Variants in CACNA1C observed in about 807,000 individuals in gnomAD.
CACNA1C encodes the protein voltage-dependent L-type calcium channel subunit alpha-1C.
Under a neutral mutation model 229.0 loss-of-function variants are expected in CACNA1C, and 30 were observed. That is an observed-to-expected ratio of 0.13 (90% CI 0.10 to 0.18). CACNA1C has a LOEUF of 0.18. Ranked by LOEUF, CACNA1C falls within the 10% of genes least tolerant of loss-of-function variation. The probability of loss-of-function intolerance (pLI) is 1.00; values close to 1 mark genes in which losing one functional copy is unlikely to be tolerated. For synonymous variants in CACNA1C, 1,114 were observed against 1,132.5 expected, an observed-to-expected ratio of 0.98 and a Z score of 0.33; for missense variants, 1,658 against 2,845.0, an observed-to-expected ratio of 0.58 and a Z score of 9.49.
At chr12:2,424,918 T>G (rs114829711) in intron 3 of CACNA1C, among the ~76,000 whole-genome samples, 4,087 of 152,320 alleles carry the variant, frequency 0.027, 200 homozygotes, top group African/African-American at 0.093. Flanking sequence ...GGTCCTCTAT[T>G]GGCCAACAGT....
Position 2,679,802 on chromosome 12 carries a change from TGGGAGGCTGGCCACCCCA to T in CACNA1C, c.5444+9_5444+26del. ...TGGAAGCTCAGCTCCAACAGGTAAGTGGGAGGCTGGCCACCCCAGGCGGCACACAGGGCCCACGTGCTG... is the reference window on the plus strand; with the variant it reads ...TGGAAGCTCAGCTCCAACAGGTAAGTGGCGGCACACAGGGCCCACGTGCTG... On this transcript the variant is annotated splice_region_variant and intron_variant, in intron 42 of 46. Transcript: ENST00000399655. The surrounding 1 kb of genome is among the most constrained non-coding windows in gnomAD (Gnocchi z 5.5). The T allele has an allele frequency of 6.5e-7, 1 of 1,544,244 alleles. No individual in the cohort carries two copies. The highest frequency in any genetic ancestry group is 8.8e-7 in the Non-Finnish European group (1 of 1,140,386).
chr12:1,985,470 G>A (rs980194493), intron 1 of CACNA1C, among the ~76,000 whole-genome samples: 1 of 151,818 alleles, frequency 6.6e-6, no homozygotes, highest in African/African-American at 2.4e-5. Context: ...ACCTATTTTT[G>A]TGCCAAGAAT....
At chr12:2,516,178 A>G (rs978713466) in intron 9 of CACNA1C, among the ~76,000 whole-genome samples, 1 of 152,288 alleles carries the variant, frequency 6.6e-6, no homozygotes, top group Non-Finnish European at 1.5e-5. Context: ...CACCATGCAG[A>G]TAGTTGGGAA....
chr12:1,994,188 T>C (rs1024634164), intron 1 of CACNA1C, among the ~76,000 whole-genome samples: 4 of 152,210 alleles, frequency 2.6e-5, no homozygotes, highest in Non-Finnish European at 5.9e-5. Flanking sequence ...AGCCATATAG[T>C]AATTCAACTG....
In CACNA1C at chr12:2,445,787, G is replaced by T. The variant is rs115637234; in HGVS notation, c.478-3189G>T. 9.5e-3 allele frequency among the ~76,000 whole-genome samples: 1,440 copies of T among 152,208 alleles called. 24 individuals are homozygous for T. Among genetic ancestry groups the T allele is most frequent in the African/African-American group, 0.032 (1,343 of 41,520 alleles). ...TGGTACCAGGCAGTCTGGACTAGGG[G>T]TGCCAGCTGCTTATAGGAGTTGTCT... is the stretch of plus-strand genomic sequence containing the variant. On this transcript the variant is annotated intron_variant, in intron 3 of 46. Transcript: ENST00000399655.
chr12:2,483,666 G>A lies in CACNA1C; in HGVS notation c.758-2438G>A, dbSNP rs1427967208. On this transcript the variant is annotated intron_variant, in intron 5 of 46. Transcript: ENST00000399655. ...ACTTGGTTACTGAGTGGAAGAAGGA[G>A]CCTAGGAGATCAGTTTTCTGGTCTG... Among the ~76,000 whole-genome samples, 3 of 152,194 alleles carry A rather than the reference G, an allele frequency of 2.0e-5. No homozygotes were observed. The East Asian group carries it at 5.8e-4, about 29-fold the overall frequency.
intron 3 of CACNA1C, among the ~76,000 whole-genome samples, chr12:2,255,582 G>A (rs958220001): frequency 4.6e-5 from 7 of 152,234 alleles, no homozygotes; most frequent in Non-Finnish European, 7.3e-5. Flanking sequence ...AGCCAGAAGG[G>A]GCACTTCCCA....
Position 2,354,572 on chromosome 12 carries a change from C to T in CACNA1C, c.478-94404C>T, listed in dbSNP as rs60656607. Among the ~76,000 whole-genome samples, 26,980 of 152,136 alleles carry T rather than the reference C, an allele frequency of 0.18. 2,951 individuals carry two copies. Among genetic ancestry groups the T allele is most frequent in the East Asian group, 0.49 (2,507 of 5,140 alleles). ...AAATGCCTTTCCGCATGCATGCTCT[C>T]CTAGCTATGCTTGTAAGAAGTGCGT... On this transcript the variant is annotated intron_variant, in intron 3 of 46. Transcript: ENST00000399655. This position sits in a 1 kb window ranked among gnomAD's most constrained non-coding sequence, Gnocchi z 4.6.
chr12:2,179,158 A>T (rs2096756370), intron 3 of CACNA1C, among the ~76,000 whole-genome samples: 1 of 152,340 alleles, frequency 6.6e-6, no homozygotes, highest in South Asian at 2.1e-4. Context: ...TAATGGATAA[A>T]CAGGCATTAA....
intron 3 of CACNA1C, among the ~76,000 whole-genome samples, chr12:2,255,912 A>AT (rs2077378821): frequency 6.6e-6 from 1 of 151,866 alleles, no homozygotes. Context: ...CAATCACACG[A>AT]CCCTGACCTT....
At chr12:2,579,717 A>C (rs1338025499) in intron 13 of CACNA1C, among the ~76,000 whole-genome samples, 1 of 152,096 alleles carries the variant, frequency 6.6e-6, no homozygotes, top group Non-Finnish European at 1.5e-5. Flanking sequence ...AGTAGGTGGG[A>C]CTACAGGCAT....
At chr12:2,018,386 A>G (rs986313344) in intron 1 of CACNA1C, 3 of 152,194 alleles carry the variant, frequency 2.0e-5, no homozygotes, top group South Asian at 4.1e-4. Context: ...AGTTCACATA[A>G]TTCGGTTTTT....
In CACNA1C at chr12:2,677,305, A is replaced by G. The variant is rs1268094111; in HGVS notation, c.4956+84A>G. 2 of 1,463,456 alleles carry G rather than the reference A, an allele frequency of 1.4e-6. No homozygotes were observed. Among genetic ancestry groups the G allele is most frequent in the African/African-American group, 2.8e-5 (2 of 71,604 alleles). The allele number at this position is 1,463,456 out of a possible 1,614,324, so 90.7% of individuals were successfully genotyped here. A position where few individuals can be genotyped will look rare whatever the true frequency, so the allele number is the denominator to read the frequency against. ...CCAGTCAGGGTCCCGGTCCCTCCCC[A>G]GCAGGCTGGAGGCCAGGTCCCTGCA... is the stretch of plus-strand genomic sequence containing the variant. On this transcript the variant is annotated intron_variant, in intron 40 of 46. Transcript: ENST00000399655. The surrounding 1 kb of genome is among the most constrained non-coding windows in gnomAD (Gnocchi z 7.4).
At chr12:2,622,959 G>C (rs1208833632) in intron 29 of CACNA1C, among the ~76,000 whole-genome samples, 1 of 152,220 alleles carries the variant, frequency 6.6e-6, no homozygotes, top group African/African-American at 2.4e-5. Flanking sequence ...ACCACAGCAA[G>C]AAATGCCCTG....
At chr12:2,168,715 CAG>C (rs1412833488) in intron 3 of CACNA1C, among the ~76,000 whole-genome samples, 1 of 151,922 alleles carries the variant, frequency 6.6e-6, no homozygotes, top group African/African-American at 2.4e-5. Flanking sequence ...TTTCAGTCCT[CAG>C]AGAGGTGGAG....
At chr12:2,518,607 CAA>C (rs749239155) in intron 9 of CACNA1C, among the ~76,000 whole-genome samples, 41 of 102,842 alleles carry the variant, frequency 4.0e-4, no homozygotes, top group South Asian at 3.1e-4. Context: ...GACGCTGTCT[CAA>C]AAAAAAAAAA....
Position 2,666,382 on chromosome 12 carries a change from GGTTA to G in CACNA1C, c.4527-300_4527-297del, listed in dbSNP as rs2096105470. On this transcript the variant is annotated intron_variant, in intron 36 of 46. Transcript: ENST00000399655. This position sits in a 1 kb window ranked among gnomAD's most constrained non-coding sequence, Gnocchi z 5.3. ...CTCAGTAAATACCTTTTGGTCAGAA[GGTTA>G]GTTCATTCAATCAGCAAGTATATAT... Among the ~76,000 whole-genome samples, 1 of 152,122 alleles carries G rather than the reference GGTTA, an allele frequency of 6.6e-6. No homozygotes were observed. The highest frequency in any genetic ancestry group is 2.4e-5 in the African/African-American group (1 of 41,416).
rs112345846 is a variant in CACNA1C, at chr12:2,198,907, G to A, written c.477+78477G>A. ...TAATCATATGTTATGGTTTATTATC[G>A]ACAGATCTTTTAAGAACTTTTCCTG... On this transcript the variant is annotated intron_variant, in intron 3 of 46. Transcript: ENST00000399655. Among the ~76,000 whole-genome samples, 86 of 151,962 alleles carry A rather than the reference G, an allele frequency of 5.7e-4. 1 individual carries two copies. The highest frequency in any genetic ancestry group is 3.9e-4 in the Admixed American group (6 of 15,254).
At chr12:2,168,503 A>C (rs2096342104) in intron 3 of CACNA1C, among the ~76,000 whole-genome samples, 1 of 152,226 alleles carries the variant, frequency 6.6e-6, no homozygotes. Context: ...CCAGGCTTTA[A>C]AAAATGCCAT....
Sources: allele counts gnomAD v4.1 joint callset (sites outside exome capture counted in the v4.1 genomes callset), GRCh38; gene constraint gnomAD v4.1.1; non-coding constraint Gnocchi (gnomAD v3.1); transcripts MANE v1.5; gene names NCBI Gene and HGNC (gene_info 2026-07-23, HGNC 2026-07-21).